Variants in ADAR observed in about 807,000 individuals in gnomAD.
ADAR encodes adenosine deaminase RNA specific, also known as double-stranded RNA-specific adenosine deaminase.
Under a neutral mutation model 113.2 loss-of-function variants are expected in ADAR, and 41 were observed. That is an observed-to-expected ratio of 0.36 (90% confidence interval 0.28 to 0.47). The LOEUF is 0.47. Among genes scored for constraint, ADAR ranks in the 20% least tolerant of loss-of-function variants. The pLI, the probability that ADAR is intolerant of heterozygous loss-of-function variation, is 1.00. For missense variants in ADAR, 1,242 were observed against 1,540.9 expected (o/e 0.81, Z 3.25); for synonymous variants, 605 against 572.6 (o/e 1.06, Z -0.81).
At chr1:154,588,341 A>C (rs937295379) in intron 10 of ADAR, 83 bp from the exon 11 acceptor site, 2 of 1,601,644 alleles carry the variant, frequency 1.2e-6, no homozygotes, top group Non-Finnish European at 1.7e-6. Context: ...GATGTGACAG[A>C]AGCAAGGGAT....
At chr1:154,614,607 G>A (rs1352271418) in intron 1 of ADAR, among the ~76,000 whole-genome samples, 5 of 152,230 alleles carry the variant, frequency 3.3e-5, no homozygotes, top group South Asian at 2.1e-4. Flanking sequence ...CCAATTTGCC[G>A]AAAGTCAGTT....
chr1:154,585,151 GGT>G (rs1468114383), intron 14 of ADAR, 64 bp downstream of exon 14: 6 of 1,613,730 alleles, frequency 3.7e-6, no homozygotes, highest in African/African-American at 1.3e-5. Flanking sequence ...AGACTGCAGA[GGT>G]ATGATGCACC....
intron 11 of ADAR, among the ~76,000 whole-genome samples, chr1:154,587,273 T>C (rs971488428): frequency 4.6e-5 from 7 of 152,258 alleles, no homozygotes; most frequent in African/African-American, 1.4e-4. Flanking sequence ...GCTTTTTTCA[T>C]TTGGCATCAA....
upstream of ADAR, among the ~76,000 whole-genome samples, chr1:154,612,822 CTTTT>C (rs1402242948): frequency 6.6e-6 from 1 of 150,728 alleles, no homozygotes; most frequent in African/African-American, 2.4e-5. Flanking sequence ...TTCTTTCTTT[CTTTT>C]TTTGAGATAG....
chr1:154,585,552 C>A, intron 13 of ADAR: 1 of 894,746 alleles, frequency 1.1e-6, no homozygotes. Flanking sequence ...AGAAGAAAAG[C>A]CCTTGGCATC....
chr1:154,590,148 C>CT, intron 7 of ADAR, 36 bp downstream of exon 7: 1 of 909,958 alleles, frequency 1.1e-6, no homozygotes, highest in Non-Finnish European at 1.7e-6. Context: ...AGGACCCCCC[C>CT]GCCCCAAAAA....
chr1:154,610,607 G>A (rs1171524658), upstream of ADAR, among the ~76,000 whole-genome samples: 3 of 151,906 alleles, frequency 2.0e-5, no homozygotes, highest in South Asian at 2.1e-4. Context: ...TCAGGGGATC[G>A]AGACCATCCT....
rs371975016 is a variant in ADAR at position 154,625,858 on chromosome 1, G to T, written c.-871+1997C>A. Among the ~76,000 whole-genome samples, 50 of 152,170 alleles carry T rather than the reference G, an allele frequency of 3.3e-4. No homozygotes were observed. The East Asian group carries it at 8.5e-3, about 26-fold the overall frequency. On this transcript the variant is annotated intron_variant, in intron 1 of 14. Transcript: ENST00000368471. Reference sequence around the variant, plus strand: ...TGTCTTACTAAAAATACAAAAATTAGCCAGGCATGGTGGCATGCTCCTGTA... The same window carrying T: ...TGTCTTACTAAAAATACAAAAATTATCCAGGCATGGTGGCATGCTCCTGTA...
rs1325517314 is a variant in ADAR at position 154,584,996 on chromosome 1, A to C, written c.3491T>G (p.Leu1164Arg). The change falls in exon 15 of 15, where the codon CTA becomes CGA. Residue 1164 changes from leucine (L) to arginine (R), a missense_variant. Leu to Arg is a moderately radical substitution (Grantham distance 102). Around this residue, in one of 2 missense-constraint regions of ADAR, gnomAD observed 780 missense variants for 1,057.9 expected, o/e 0.74. Coordinates refer to ENST00000368474, the MANE Select transcript of ADAR (RefSeq NM_001111.5). The part of the protein sequence containing the change: ...SRVSKKNIFL[L>R]FKKLCSFRYR... ...ACGGAAGGAGCAGAGCTTCTTAAAT[A>C]GAAGAAAAATGTTCTTTTTGGAGAC... The C allele has an allele frequency of 1.9e-6, 3 of 1,614,074 alleles. No homozygotes were observed. The Admixed American group carries it at 5.0e-5, about 27-fold the overall frequency.
In ADAR at chr1:154,613,565, G is replaced by A. The variant is rs371942234; in HGVS notation, c.-870-10939C>T. Reference sequence around the variant, plus strand: ...CTCCAAAAATGCTGGGATTACAGGCGTGAACCATTGCTCCCAGCTAAAACT... The same window carrying A: ...CTCCAAAAATGCTGGGATTACAGGCATGAACCATTGCTCCCAGCTAAAACT... On this transcript the variant is annotated intron_variant, in intron 1 of 14. Transcript: ENST00000368471. Among the ~76,000 whole-genome samples the A allele has an allele frequency of 2.4e-4, 37 of 152,172 alleles. 1 individual carries two copies. The South Asian group carries it at 6.6e-3, about 27-fold the overall frequency.
upstream of ADAR, chr1:154,608,248 C>T: frequency 1.9e-6 from 1 of 518,594 alleles, no homozygotes; most frequent in Non-Finnish European, 3.3e-6. Flanking sequence ...AGAGGAGGGG[C>T]TTGAGCAAAT....
Position 154,585,312 on chromosome 1 carries a change from C to T in ADAR, c.3348G>A (p.Arg1116=), listed in dbSNP as rs754053597. 4 of 1,614,054 alleles carry T rather than the reference C, an allele frequency of 2.5e-6. No homozygotes were observed. In the African/African-American group the frequency reaches 5.3e-5, roughly 22 times the overall value. Residue 1116 remains arginine (R), a synonymous_variant, in exon 14 of 15, where the codon AGG becomes AGA. Transcript: ENST00000368474. ...TTGTCTCCTTAGTCTTCCCGGATTGCCTTTTGGAATCATATATGCTGACTC... is the reference window on the plus strand; with the variant it reads ...TTGTCTCCTTAGTCTTCCCGGATTGTCTTTTGGAATCATATATGCTGACTC... ...VGRVSIYDSK[R]QSGKTKETSV...
rs1201889666 is a variant in ADAR at position 154,596,840 on chromosome 1, C to T, written c.2235G>A (p.Lys745=). The change falls in exon 6 of 15, where the codon AAG becomes AAA. Residue 745 remains lysine, a synonymous_variant. Coordinates refer to ENST00000368474, the MANE Select transcript of ADAR (RefSeq NM_001111.5). The part of the protein sequence containing the change: ...ARSHGFAAEF[K]LVDQSGPPHE... ...GAGGAGGTCCGGACTGGTCGACCAA[C>T]TTGAATTCAGCAGCAAAGCCATGGG... The T allele has an allele frequency of 1.2e-6, 2 of 1,613,828 alleles. No individual in the cohort carries two copies. The highest frequency in any genetic ancestry group is 1.3e-5 in the African/African-American group (1 of 74,904).
chr1:154,623,351 G>A (rs530536488), intron 1 of ADAR, among the ~76,000 whole-genome samples: 2 of 152,296 alleles, frequency 1.3e-5, no homozygotes, highest in South Asian at 4.1e-4. Flanking sequence ...CACAGTGGGA[G>A]TCAAAGTTTG....
chr1:154,606,731 C>G (rs190068546), intron 1 of ADAR, among the ~76,000 whole-genome samples: 39 of 152,276 alleles, frequency 2.6e-4, no homozygotes, highest in South Asian at 6.2e-4. Context: ...TCAGCATCAC[C>G]TCTATGCAAA....
At chr1:154,610,808 C>CAAAAAAAA (rs1369386387), upstream of ADAR, among the ~76,000 whole-genome samples, 1,233 of 40,452 alleles carry the variant, frequency 0.03, 176 homozygotes, top group Middle Eastern at 0.048. Context: ...GACACCGTCT[C>CAAAAAAAA]AAAAAAAAAA....
intron 1 of ADAR, among the ~76,000 whole-genome samples, chr1:154,602,994 AAT>A (rs1394736942): frequency 1.3e-5 from 2 of 152,222 alleles, no homozygotes; most frequent in Non-Finnish European, 2.9e-5. Flanking sequence ...CAGAACAACA[AAT>A]ATATGTTATT....
At position 154,590,202 on chromosome 1, in the gene ADAR, T is replaced by G; in HGVS notation, c.2478A>C (p.Pro826=). Residue 826 remains proline (P), a synonymous_variant, in exon 7 of 15, where the codon CCA becomes CCC. Coordinates refer to ENST00000368474, the MANE Select transcript of ADAR (RefSeq NM_001111.5). ...TCTTAACTGTCTTTGGCTGTGCTTCTGGGGACCTTGAGAGGAGGAGCATAG... is the reference window on the plus strand; with the variant it reads ...TCTTAACTGTCTTTGGCTGTGCTTCGGGGGACCTTGAGAGGAGGAGCATAG... ...RRTMLLLSRS[P]EAQPKTLPLT... The G allele has an allele frequency of 7.2e-7, 1 of 1,395,136 alleles. No homozygotes were observed. The highest frequency in any genetic ancestry group is 4.1e-5 in the East Asian group (1 of 24,424). The allele number at this position is 1,395,136 out of a possible 1,614,324, so 86.4% of individuals were successfully genotyped here. A position where few individuals can be genotyped will look rare whatever the true frequency, so the allele number is the denominator to read the frequency against.
upstream of ADAR, among the ~76,000 whole-genome samples, chr1:154,608,366 T>G (rs986136929): frequency 6.6e-6 from 1 of 151,722 alleles, no homozygotes; most frequent in Non-Finnish European, 1.5e-5. Context: ...CTCGCTCTTT[T>G]TGCCCAGGCT....
Sources: gnomAD v4.1 joint callset for allele counts (sites outside exome capture counted in the v4.1 genomes callset) on GRCh38, gnomAD v4.1.1 for gene constraint, gnomAD v4.1.1 regional missense constraint, MANE v1.5 for transcripts, NCBI Gene and HGNC (gene_info 2026-07-23, HGNC 2026-07-21) for gene names.